The following CYP4F8 variants were observed in gnomAD, a reference collection of about 807,000 sequenced individuals.
CYP4F8 encodes the protein cytochrome P450 4F8.
A neutral mutation model predicts 55.0 loss-of-function variants in CYP4F8; 56 were observed. The ratio of observed to expected loss-of-function variants is 1.02; its 90% CI spans 0.82 to 1.27. CYP4F8 has a LOEUF of 1.27. CYP4F8 is among the 50% of genes most tolerant of loss of function. The pLI is 0.00. For synonymous variants in CYP4F8, 288 were observed against 267.3 expected, an observed-to-expected ratio of 1.08 and a Z score of -0.76; for missense variants, 680 against 682.4, an observed-to-expected ratio of 1.00 and a Z score of 0.04.
Position 15,623,101 on chromosome 19 carries a change from G to A in CYP4F8, c.648-4G>A. On this transcript the variant is annotated splice_region_variant and splice_polypyrimidine_tract_variant and intron_variant, in intron 6 of 12. Coordinates refer to ENST00000612078, the MANE Select transcript of CYP4F8 (RefSeq NM_007253.4). Reference sequence around the variant, plus strand: ...TGCTTCCTCTCTCTGGACTGGCCCTGCAGGAAGCCCAGTGAATATATTACT... The same window carrying A: ...TGCTTCCTCTCTCTGGACTGGCCCTACAGGAAGCCCAGTGAATATATTACT... 6.2e-7 allele frequency: 1 copy of A among 1,612,076 alleles called. No homozygotes were observed. Among genetic ancestry groups the A allele is most frequent in the African/African-American group, 1.3e-5 (1 of 74,976 alleles).
At chr19:15,619,381 C>A in intron 3 of CYP4F8, 109 bp from the exon 4 acceptor site, 1 of 1,348,890 alleles carries the variant, frequency 7.4e-7, no homozygotes, top group Non-Finnish European at 1.0e-6. Context: ...TCCTGCTATG[C>A]TGGGCTTGGA....
At chr19:15,616,577 T>G (rs1972125015) in intron 2 of CYP4F8, among the ~76,000 whole-genome samples, 1 of 152,136 alleles carries the variant, frequency 6.6e-6, no homozygotes, top group African/African-American at 2.4e-5. Flanking sequence ...TCCATCCATC[T>G]CTGGGCTGGA....
intron 2 of CYP4F8, among the ~76,000 whole-genome samples, chr19:15,616,105 A>ACTCC (rs1568380869): frequency 9.0e-6 from 1 of 110,630 alleles, no homozygotes; most frequent in Non-Finnish European, 1.9e-5. Context: ...CTCCTCACTC[A>ACTCC]TTCCTCTCCT....
chr19:15,624,157 T>G, intron 9 of CYP4F8, 63 bp downstream of exon 9: 1 of 1,583,364 alleles, frequency 6.3e-7, no homozygotes. Flanking sequence ...TTGGTTCTTC[T>G]CCCCAGGTGG....
chr19:15,616,387 GT>G (rs1972122816), intron 2 of CYP4F8, among the ~76,000 whole-genome samples: 1 of 152,120 alleles, frequency 6.6e-6, no homozygotes, highest in South Asian at 2.1e-4. Context: ...CCCCTAGACT[GT>G]TTTGAATTCT....
At chr19:15,625,362 G>GTA (rs59565669) in intron 9 of CYP4F8, among the ~76,000 whole-genome samples, 18,970 of 147,240 alleles carry the variant, frequency 0.13, 1,622 homozygotes, top group Middle Eastern at 0.22. Context: ...TATATATAGT[G>GTA]TATATATATA....
chr19:15,630,534 AT>A lies in CYP4F8; in HGVS notation c.*1179del, dbSNP rs1972321489. 2 of 152,224 alleles carry A rather than the reference AT, an allele frequency of 1.3e-5. No individual in the cohort carries two copies. The highest frequency in any genetic ancestry group is 2.9e-5 in the Non-Finnish European group (2 of 68,040). 9.4% of individuals were successfully genotyped at this position (152,224 alleles called of 1,614,324 possible). A position where few individuals can be genotyped will look rare whatever the true frequency, so the allele number is the denominator to read the frequency against. ...ATGACTGCATAGTATTTCATGGTGT[AT>A]TTCTACACATTTTCTTTATCCACTC... On this transcript the variant is annotated 3_prime_UTR_variant, in exon 13 of 13. Coordinates refer to ENST00000612078, the MANE Select transcript of CYP4F8 (RefSeq NM_007253.4).
At chr19:15,624,470 A>G (rs912194793) in intron 9 of CYP4F8, among the ~76,000 whole-genome samples, 4 of 152,232 alleles carry the variant, frequency 2.6e-5, no homozygotes, top group Admixed American at 6.5e-5. Flanking sequence ...ATGATTTATC[A>G]AAACATTCTC....
intron 6 of CYP4F8, chr19:15,622,839 T>G: frequency 2.0e-6 from 1 of 510,228 alleles, no homozygotes; most frequent in South Asian, 2.3e-5. Context: ...GTGGAGAAAA[T>G]GGGGCAGATT....
At chr19:15,625,286 T>A (rs1972247372) in intron 9 of CYP4F8, among the ~76,000 whole-genome samples, 1 of 150,614 alleles carries the variant, frequency 6.6e-6, no homozygotes, top group African/African-American at 2.4e-5. Flanking sequence ...TGTCCTTGTG[T>A]CATGATTCTA....
chr19:15,622,717 G>A, intron 6 of CYP4F8: 1 of 364,982 alleles, frequency 2.7e-6, no homozygotes, highest in Non-Finnish European at 5.1e-6. Flanking sequence ...GAGCAGATGA[G>A]AGACATGGTC....
At chr19:15,615,910 A>AACTCACTCATTCCTCTGATC (rs148338083) in intron 2 of CYP4F8, 96 bp downstream of exon 2, 307,363 of 748,738 alleles carry the variant, frequency 0.41, 102,275 homozygotes, top group Middle Eastern at 0.45. Context: ...ACGGCAGAGA[A>AACTCACTCATTCCTCTGATC]ACTCACTCAT....
At position 15,622,041 on chromosome 19, in the gene CYP4F8, T is replaced by C. The variant is rs1043769846; in HGVS notation, c.526-178T>C. 6.5e-6 allele frequency: 5 copies of C among 771,568 alleles called. No individual in the cohort carries two copies. In the African/African-American group the frequency reaches 9.0e-5, roughly 14 times the overall value. The allele number at this position is 771,568 out of a possible 1,614,324, so 47.8% of individuals were successfully genotyped here. ...GGGCTTGAACCCAGCCATGGGATCT[T>C]CATCTCCTAATAGTAACAGCTTCCA... On this transcript the variant is annotated intron_variant, in intron 5 of 12. Transcript: ENST00000612078.
intron 6 of CYP4F8, chr19:15,622,870 T>C (rs1375952256): frequency 2.6e-5 from 15 of 570,864 alleles, no homozygotes; most frequent in South Asian, 1.5e-4. Flanking sequence ...TGAGTAATAA[T>C]AGGCAGGAGC....
chr19:15,617,015 G>A (rs1972131284), intron 2 of CYP4F8, among the ~76,000 whole-genome samples: 1 of 152,188 alleles, frequency 6.6e-6, no homozygotes, highest in Non-Finnish European at 1.5e-5. Flanking sequence ...GGGCTGCTGA[G>A]AAAGGAAGTT....
intron 12 of CYP4F8, 56 bp downstream of exon 12, chr19:15,628,899 C>T: frequency 2.6e-6 from 4 of 1,509,552 alleles, no homozygotes; most frequent in Non-Finnish European, 3.6e-6. Flanking sequence ...CAGATGGCTG[C>T]CTTGTCAGAT....
rs184533707 is a variant in CYP4F8, at chr19:15,629,850, C to T, written c.*492C>T. The T allele has an allele frequency of 2.0e-5, 3 of 151,442 alleles. No individual in the cohort carries two copies. Among genetic ancestry groups the T allele is most frequent in the African/African-American group, 7.3e-5 (3 of 41,070 alleles). 9.4% of individuals were successfully genotyped at this position (151,442 alleles called of 1,614,324 possible). A position where few individuals can be genotyped will look rare whatever the true frequency, so the allele number is the denominator to read the frequency against. On this transcript the variant is annotated 3_prime_UTR_variant, in exon 13 of 13. Coordinates refer to ENST00000612078, the MANE Select transcript of CYP4F8 (RefSeq NM_007253.4). ...AGAAAGCTGCTACAGTCTGTCTGCT[C>T]AGTCCTCCCCTCTTCCTTCCTGCTG...
intron 9 of CYP4F8, among the ~76,000 whole-genome samples, chr19:15,627,012 A>G (rs762680830): frequency 4.6e-5 from 7 of 151,540 alleles, no homozygotes; most frequent in Non-Finnish European, 7.4e-5. Flanking sequence ...CCCCCTATTC[A>G]CAGGCCTGAT....
At chr19:15,617,292 G>C (rs11668164) in intron 2 of CYP4F8, among the ~76,000 whole-genome samples, 71,261 of 151,944 alleles carry the variant, frequency 0.47, 17,409 homozygotes, top group Non-Finnish European at 0.54. Context: ...AGCCTTGGAA[G>C]TTAGATACTG....
Sources: gnomAD v4.1 joint callset for allele counts (sites outside exome capture counted in the v4.1 genomes callset) on GRCh38, gnomAD v4.1.1 for gene constraint, MANE v1.5 for transcripts, NCBI Gene and HGNC (gene_info 2026-07-23, HGNC 2026-07-21) for gene names.